LINGO2: variants seen among roughly 807,000 people sequenced by gnomAD.
LINGO2 encodes the protein leucine-rich repeat and immunoglobulin-like domain-containing nogo receptor-interacting protein 2.
In LINGO2, 14 loss-of-function variants were observed where a neutral mutation model predicts 30.6. The ratio of observed to expected loss-of-function variants is 0.46; its 90% CI spans 0.30 to 0.72. LINGO2 has a LOEUF of 0.72. Among genes scored for constraint, LINGO2 ranks in the 30% least tolerant of loss-of-function variants. The pLI is 0.07. For missense variants in LINGO2, 729 were observed against 751.7 expected, an observed-to-expected ratio of 0.97 and a Z score of 0.35; for synonymous variants, 317 against 288.5, an observed-to-expected ratio of 1.10 and a Z score of -1.00.
the LINGO2 span, among the ~76,000 whole-genome samples, chr9:28,695,494 TAAA>T: frequency 2.6e-5 from 4 of 151,888 alleles, no homozygotes; most frequent in African/African-American, 9.7e-5. Context: ...GAATGTATCT[TAAA>T]GAAGTACATA....
intron 1 of LINGO2, among the ~76,000 whole-genome samples, chr9:28,544,005 G>C (rs1448526001): frequency 6.6e-6 from 1 of 151,948 alleles, no homozygotes; most frequent in Non-Finnish European, 1.5e-5. Flanking sequence ...AGGAGTTTGA[G>C]ACCAACCTGG....
chr9:28,418,552 C>A (rs565574010), intron 2 of LINGO2, among the ~76,000 whole-genome samples: 1 of 152,082 alleles, frequency 6.6e-6, no homozygotes. Flanking sequence ...TTTGGGATTA[C>A]GGGTGTGAGC....
chr9:28,240,953 T>C (rs1821761396), intron 4 of LINGO2, among the ~76,000 whole-genome samples: 1 of 152,012 alleles, frequency 6.6e-6, no homozygotes, highest in South Asian at 2.1e-4. Context: ...AACCAGAATA[T>C]ATAAGGAGCT....
the LINGO2 span, among the ~76,000 whole-genome samples, chr9:28,912,462 T>G: frequency 6.6e-6 from 1 of 152,254 alleles, no homozygotes; most frequent in East Asian, 1.9e-4. Context: ...TCTTCTGTAT[T>G]ATTATGGAGA....
intron 1 of LINGO2, among the ~76,000 whole-genome samples, chr9:28,586,205 C>T (rs113515345): frequency 6.6e-5 from 10 of 151,954 alleles, no homozygotes; most frequent in African/African-American, 2.4e-4. Context: ...TATAGTAAGA[C>T]ATGCTTGTTA....
chr9:28,841,827 C>A, the LINGO2 span, among the ~76,000 whole-genome samples: 1 of 151,758 alleles, frequency 6.6e-6, no homozygotes, highest in South Asian at 2.1e-4. Context: ...AAATAGTTGA[C>A]AGTATTTTTT....
rs200779211 is a variant in LINGO2, at chr9:28,340,612, G to A, written c.-246+32224C>T. On this transcript the variant is annotated intron_variant, in intron 3 of 5. Coordinates refer to ENST00000379992, the Ensembl canonical transcript of LINGO2. Reference sequence around the variant, plus strand: ...CTTTACAAATTTTCTGAACAAGAGTGAGTAAAAGTCTCCCCTTTGTTGGTT... The same window carrying A: ...CTTTACAAATTTTCTGAACAAGAGTAAGTAAAAGTCTCCCCTTTGTTGGTT... 7.2e-5 allele frequency among the ~76,000 whole-genome samples: 11 copies of A among 152,198 alleles called. No homozygotes were observed. In the East Asian group the frequency reaches 2.1e-3, roughly 29 times the overall value.
the LINGO2 span, among the ~76,000 whole-genome samples, chr9:28,723,374 A>G: frequency 6.6e-6 from 1 of 152,184 alleles, no homozygotes; most frequent in African/African-American, 2.4e-5. Flanking sequence ...TGTCTTCTAA[A>G]AAATCTATTA....
Position 28,281,843 on chromosome 9 carries a change from G to A in LINGO2, c.-87+13365C>T, listed in dbSNP as rs73431304. Among the ~76,000 whole-genome samples, 1,170 of 152,194 alleles carry A rather than the reference G, an allele frequency of 7.7e-3. 20 individuals are homozygous for A. The highest frequency in any genetic ancestry group is 0.027 in the African/African-American group (1,128 of 41,550). On this transcript the variant is annotated intron_variant, in intron 4 of 5. Coordinates refer to ENST00000379992, the Ensembl canonical transcript of LINGO2. ...TTGTTTCTAGACTAAAGCTGCAAAT[G>A]CCTTCTTAGTATATTCTAAAACTAG...
chr9:28,590,938 G>T (rs1364337752), intron 1 of LINGO2, among the ~76,000 whole-genome samples: 1 of 152,082 alleles, frequency 6.6e-6, no homozygotes. Flanking sequence ...ACTGCGTTAA[G>T]AAAATGTGGC....
chr9:29,062,762 G>A, the LINGO2 span, among the ~76,000 whole-genome samples: 1 of 148,276 alleles, frequency 6.7e-6, no homozygotes, highest in East Asian at 2.0e-4. Context: ...GGATAGTGAT[G>A]ATGGTTGCAT....
the LINGO2 span, among the ~76,000 whole-genome samples, chr9:28,827,436 C>T: frequency 1.7e-4 from 26 of 152,260 alleles, no homozygotes; most frequent in African/African-American, 6.3e-4. Context: ...AAAACTTAAG[C>T]AAGTTATTTA....
intron 2 of LINGO2, among the ~76,000 whole-genome samples, chr9:28,394,093 T>A (rs74911044): frequency 0.025 from 3,858 of 152,230 alleles, 183 homozygotes; most frequent in East Asian, 0.21. Flanking sequence ...TGAGAGTCTC[T>A]GTCTGACGGA....
chr9:29,091,570 G>A, the LINGO2 span, among the ~76,000 whole-genome samples: 6 of 151,814 alleles, frequency 4.0e-5, no homozygotes, highest in Non-Finnish European at 8.8e-5. Context: ...TACAAATCTG[G>A]GCACCTGAGA....
the LINGO2 span, among the ~76,000 whole-genome samples, chr9:29,011,862 A>T: frequency 6.6e-6 from 1 of 152,212 alleles, no homozygotes; most frequent in Non-Finnish European, 1.5e-5. Context: ...ATTAGCTAAG[A>T]AACAGAAAAT....
the LINGO2 span, among the ~76,000 whole-genome samples, chr9:29,089,834 A>C: frequency 6.6e-6 from 1 of 152,040 alleles, no homozygotes; most frequent in African/African-American, 2.4e-5. Flanking sequence ...TCATTATCTG[A>C]TGATTCCTAT....
At chr9:28,768,520 G>T in the LINGO2 span, among the ~76,000 whole-genome samples, 2 of 151,622 alleles carry the variant, frequency 1.3e-5, no homozygotes, top group Non-Finnish European at 2.9e-5. Context: ...CTTTAAGTGG[G>T]CAATTGGATT....
chr9:28,683,147 G>A, the LINGO2 span, among the ~76,000 whole-genome samples: 2 of 151,844 alleles, frequency 1.3e-5, no homozygotes, highest in African/African-American at 4.8e-5. Context: ...CCAAATCTTT[G>A]CCCAGTACTT....
rs1491144467 is a variant in LINGO2 at position 28,479,956 on chromosome 9, T to TATATAC, written c.-364-3932_-364-3931insGTATAT. Among the ~76,000 whole-genome samples the TATATAC allele has an allele frequency of 7.7e-4, 81 of 105,004 alleles. 3 individuals carry two copies. Among genetic ancestry groups the TATATAC allele is most frequent in the East Asian group, 1.2e-3 (4 of 3,398 alleles). 68.9% of individuals were successfully genotyped at this position (105,004 alleles called of 152,430 possible). On this transcript the variant is annotated intron_variant, in intron 1 of 5. Coordinates refer to ENST00000379992, the Ensembl canonical transcript of LINGO2. ...ATATATATATATATATATATATATA[T>TATATAC]GTACATTTTGAGAGAAACTTAAATA... is the stretch of plus-strand genomic sequence containing the variant.
Sources: gnomAD v4.1 joint callset for allele counts (sites outside exome capture counted in the v4.1 genomes callset) on GRCh38, gnomAD v4.1.1 for gene constraint, MANE v1.5 for transcripts, NCBI Gene and HGNC (gene_info 2026-07-23, HGNC 2026-07-21) for gene names.